Variants in BTBD7 observed in about 807,000 individuals in gnomAD.
BTBD7 encodes BTB domain containing 7.
A neutral mutation model predicts 99.9 loss-of-function variants in BTBD7; 38 were observed. That is an observed-to-expected ratio of 0.38 (90% CI 0.29 to 0.50). The LOEUF (loss-of-function observed/expected upper bound fraction) is 0.50. Among genes scored for constraint, BTBD7 ranks in the 20% least tolerant of loss-of-function variants. The probability of loss-of-function intolerance (pLI) is 0.93; values close to 1 mark genes in which losing one functional copy is unlikely to be tolerated. For missense variants in BTBD7, 1,170 were observed against 1,394.6 expected, an observed-to-expected ratio of 0.84 and a Z score of 2.57; for synonymous variants, 520 against 511.4, an observed-to-expected ratio of 1.02 and a Z score of -0.23.
intron 10 of BTBD7, 43 bp from the exon 11 acceptor site, chr14:93,243,131 C>A: frequency 6.6e-7 from 1 of 1,510,488 alleles, no homozygotes. Flanking sequence ...AAAAAAAGGA[C>A]CCATCCTCTG....
chr14:93,321,675 A>C (rs2053271812), intron 1 of BTBD7, among the ~76,000 whole-genome samples: 1 of 152,204 alleles, frequency 6.6e-6, no homozygotes, highest in Non-Finnish European at 1.5e-5. Flanking sequence ...GGGGAAGCAT[A>C]AATCAGTGGC....
rs149386584 is a variant in BTBD7 at position 93,292,258 on chromosome 14, T to C, written c.1162+1600A>G. ...AAAGTCTATATAATTTGGTTTCTTA[T>C]TAAAAGGCATCAAAAATAAAAATAT... is the stretch of plus-strand genomic sequence containing the variant. On this transcript the variant is annotated intron_variant, in intron 3 of 10. Coordinates refer to ENST00000334746, the MANE Select transcript of BTBD7 (RefSeq NM_001002860.4). Among the ~76,000 whole-genome samples the C allele has an allele frequency of 2.0e-5, 3 of 152,240 alleles. No individual in the cohort carries two copies. The East Asian group carries it at 5.8e-4, about 29-fold the overall frequency.
chr14:93,314,849 T>C (rs966378024), intron 1 of BTBD7, among the ~76,000 whole-genome samples: 1 of 152,216 alleles, frequency 6.6e-6, no homozygotes, highest in African/African-American at 2.4e-5. Flanking sequence ...TATTTTAATC[T>C]CTTAAAAATT....
chr14:93,263,858 A>C lies in BTBD7; in HGVS notation c.1298T>G (p.Val433Gly), dbSNP rs779592744. The change falls in exon 4 of 11, where the codon GTC (valine) becomes GGC (glycine). Residue 433 changes from valine to glycine, a missense_variant. Physicochemically the swap from Val to Gly is moderately radical, Grantham distance 109. This residue lies in a region of BTBD7 where 309 missense variants were observed against 342.0 expected (regional missense o/e 0.90). Transcript: ENST00000334746. ...LHFLCEEFSQ[V>G]MTSDVFYELS... ...TTCATAAAAAACATCCGAAGTCATG[A>C]CCTGGGAAAATTCCTCACAGAGGAA... 2 of 1,614,172 alleles carry C rather than the reference A, an allele frequency of 1.2e-6. No homozygotes were observed. Among genetic ancestry groups the C allele is most frequent in the Middle Eastern group, 1.6e-4 (1 of 6,062 alleles).
In BTBD7 at chr14:93,296,094, G is replaced by C; in HGVS notation, c.-43C>G. 6.2e-7 allele frequency: 1 copy of C among 1,604,818 alleles called. No homozygotes were observed. The highest frequency in any genetic ancestry group is 8.5e-7 in the Non-Finnish European group (1 of 1,175,500). ...GCATTCCGTCTGCGGGTTCTTCAGAGTATAATCCCAGAGGCCTTTATGAAC... is the reference window on the plus strand; with the variant it reads ...GCATTCCGTCTGCGGGTTCTTCAGACTATAATCCCAGAGGCCTTTATGAAC... On this transcript the variant is annotated 5_prime_UTR_variant, in exon 2 of 11. Transcript: ENST00000334746.
chr14:93,278,681 C>A (rs990102046), intron 3 of BTBD7, among the ~76,000 whole-genome samples: 2 of 152,154 alleles, frequency 1.3e-5, no homozygotes, highest in African/African-American at 4.8e-5. Flanking sequence ...AGTGGAAGTA[C>A]GTATTTTATA....
At chr14:93,293,725 T>C in intron 3 of BTBD7, 133 bp downstream of exon 3, 1 of 1,129,330 alleles carries the variant, frequency 8.9e-7, no homozygotes, top group East Asian at 2.6e-5. Context: ...TCAGATGTCA[T>C]AACTGAAGGT....
At chr14:93,325,410 G>T (rs967049106) in intron 1 of BTBD7, among the ~76,000 whole-genome samples, 7 of 146,402 alleles carry the variant, frequency 4.8e-5, no homozygotes, top group African/African-American at 1.9e-4. Flanking sequence ...TTACAGGTGT[G>T]AGCCATCGTG....
intron 10 of BTBD7, among the ~76,000 whole-genome samples, chr14:93,244,618 C>T (rs2052280780): frequency 1.3e-5 from 2 of 152,100 alleles, no homozygotes; most frequent in African/African-American, 4.8e-5. Context: ...CACTGCACTC[C>T]AGCCTGGGCA....
chr14:93,321,208 T>A (rs1451207754), intron 1 of BTBD7, among the ~76,000 whole-genome samples: 1 of 152,222 alleles, frequency 6.6e-6, no homozygotes, highest in Non-Finnish European at 1.5e-5. Context: ...AATAAGAATT[T>A]TCATTCATTT....
chr14:93,332,822 C>T lies in BTBD7; in HGVS notation c.-109G>A. ...CAGAGACACCAAGGGACACTCACCC[C>T]GGAGGCTCCTCCCGCCGCTGCTGCT... On this transcript the variant is annotated splice_region_variant and 5_prime_UTR_variant, in exon 1 of 11. Coordinates refer to ENST00000334746, the MANE Select transcript of BTBD7 (RefSeq NM_001002860.4). The T allele has an allele frequency of 2.0e-6, 3 of 1,477,498 alleles. No homozygotes were observed. The South Asian group carries it at 3.8e-5, about 19-fold the overall frequency. 91.5% of individuals were successfully genotyped at this position (1,477,498 alleles called of 1,614,324 possible). A position where few individuals can be genotyped will look rare whatever the true frequency, so the allele number is the denominator to read the frequency against.
chr14:93,307,875 AG>A (rs1220031777), intron 1 of BTBD7, among the ~76,000 whole-genome samples: 3 of 152,232 alleles, frequency 2.0e-5, no homozygotes, highest in Admixed American at 1.3e-4. Flanking sequence ...GAATGAAATT[AG>A]TTTTAAAAAA....
intron 1 of BTBD7, among the ~76,000 whole-genome samples, chr14:93,319,788 G>T (rs2053249518): frequency 6.6e-6 from 1 of 152,110 alleles, no homozygotes; most frequent in African/African-American, 2.4e-5. Context: ...TGTTGAAAGG[G>T]TAGATCTCAT....
At chr14:93,256,686 T>G (rs895912705) in intron 6 of BTBD7, 1 of 152,512 alleles carries the variant, frequency 6.6e-6, no homozygotes, top group African/African-American at 2.4e-5. Flanking sequence ...CCCAAAGTGC[T>G]GGGATTACAG....
At chr14:93,252,682 G>A (rs1176362109) in intron 7 of BTBD7, among the ~76,000 whole-genome samples, 1 of 152,038 alleles carries the variant, frequency 6.6e-6, no homozygotes, top group Non-Finnish European at 1.5e-5. Context: ...GTTTAAAAAT[G>A]AGAAACATTT....
intron 3 of BTBD7, among the ~76,000 whole-genome samples, chr14:93,274,448 G>A (rs968894223): frequency 6.6e-6 from 1 of 152,220 alleles, no homozygotes; most frequent in Non-Finnish European, 1.5e-5. Context: ...ACCATGAGAT[G>A]CAAGGGAGTG....
chr14:93,296,014 GA>G lies in BTBD7; in HGVS notation c.37del (p.Ser13ProfsTer4). 6.2e-7 allele frequency: 1 copy of G among 1,614,020 alleles called. No homozygotes were observed. Among genetic ancestry groups the G allele is most frequent in the Non-Finnish European group, 8.5e-7 (1 of 1,179,958 alleles). Reference sequence around the variant, plus strand: ...CTGTGAATTTCCCCCTACCCTCGGGGAACATGAATGAGGATAATTAGATGCA... The same window carrying G: ...CTGTGAATTTCCCCCTACCCTCGGGGACATGAATGAGGATAATTAGATGCA... ...ANASNYPHSC[S>X]PRVGGNSQAQ... is the part of the protein sequence containing the mutation. On this transcript the variant is annotated frameshift_variant, in exon 2 of 11. Transcript: ENST00000334746. LOFTEE classifies it high-confidence loss of function.
chr14:93,327,699 T>C (rs1053860235), intron 1 of BTBD7, among the ~76,000 whole-genome samples: 9 of 152,192 alleles, frequency 5.9e-5, no homozygotes, highest in Admixed American at 3.3e-4. Context: ...CTCAAAACGT[T>C]TCCTCTAAGA....
Position 93,245,242 on chromosome 14 carries a change from A to G in BTBD7, c.2583+583T>C, listed in dbSNP as rs112664733. Among the ~76,000 whole-genome samples, 7 of 152,290 alleles carry G rather than the reference A, an allele frequency of 4.6e-5. 1 individual carries two copies. The highest frequency in any genetic ancestry group is 1.7e-4 in the African/African-American group (7 of 41,566). On this transcript the variant is annotated intron_variant, in intron 10 of 10. Transcript: ENST00000334746. ...AAAATCAAGCAAAGAATCCTCTATC[A>G]ATTTACTACCTACTAGCCCTGGCTA...
Sources: allele counts gnomAD v4.1 joint callset (sites outside exome capture counted in the v4.1 genomes callset), GRCh38; gene constraint gnomAD v4.1.1; regional missense constraint gnomAD v4.1.1; transcripts MANE v1.5; gene names NCBI Gene and HGNC (gene_info 2026-07-23, HGNC 2026-07-21).